KIF13A: variants seen among roughly 807,000 people sequenced by gnomAD.
KIF13A encodes kinesin family member 13A.
In KIF13A, 79 loss-of-function variants were observed where a neutral mutation model predicts 212.2. That is an observed-to-expected ratio of 0.37 (90% CI 0.31 to 0.45). KIF13A has a LOEUF of 0.45. KIF13A is among the 20% of genes least tolerant of loss of function. KIF13A has a pLI of 1.00. For synonymous variants in KIF13A, 789 were observed against 808.6 expected (o/e 0.98, Z 0.41); for missense variants, 1,901 against 2,209.0 (o/e 0.86, Z 2.79).
intron 33 of KIF13A, among the ~76,000 whole-genome samples, chr6:17,778,151 C>A (rs1760169064): frequency 6.6e-6 from 1 of 152,018 alleles, no homozygotes; most frequent in Admixed American, 6.6e-5. Flanking sequence ...AATAAATAAA[C>A]AAATAAATAA....
intron 2 of KIF13A, among the ~76,000 whole-genome samples, chr6:17,975,138 G>C (rs1301023990): frequency 6.6e-6 from 1 of 152,116 alleles, no homozygotes; most frequent in Non-Finnish European, 1.5e-5. Flanking sequence ...GAGGTCAGCA[G>C]TTTAAGGCCA....
intron 19 of KIF13A, among the ~76,000 whole-genome samples, chr6:17,804,837 AAAAAAAAAG>A (rs1762801479): frequency 7.0e-6 from 1 of 143,620 alleles, no homozygotes; most frequent in Non-Finnish European, 1.5e-5. Flanking sequence ...AAAAAAAAAA[AAAAAAAAAG>A]AATTAGCCCA....
intron 4 of KIF13A, among the ~76,000 whole-genome samples, chr6:17,866,688 T>C (rs1239577106): frequency 6.6e-6 from 1 of 151,692 alleles, no homozygotes; most frequent in Non-Finnish European, 1.5e-5. Context: ...TTCACCCCTC[T>C]AAACACAAGT....
downstream of KIF13A, chr6:17,759,167 C>T (rs1758481253): frequency 6.6e-6 from 1 of 152,094 alleles, no homozygotes; most frequent in South Asian, 2.1e-4. Context: ...TTTAACACTG[C>T]AGAGACATGC....
intron 3 of KIF13A, among the ~76,000 whole-genome samples, chr6:17,877,882 T>A (rs758545255): frequency 1.3e-5 from 2 of 152,206 alleles, no homozygotes; most frequent in Non-Finnish European, 2.9e-5. Context: ...AGTCAGTATT[T>A]ACTGAGCATG....
chr6:17,796,707 G>C lies in KIF13A; in HGVS notation c.2904C>G (p.Val968=). 1 of 1,582,100 alleles carries C rather than the reference G, an allele frequency of 6.3e-7. No individual in the cohort carries two copies. The change falls in exon 23 of 39, where the codon GTC becomes GTG. Residue 968 remains valine (V), a synonymous_variant. Coordinates refer to ENST00000259711, the MANE Select transcript of KIF13A (RefSeq NM_022113.6). ...CAGNGSSIWE[V]DSLHAKTRTL... is the part of the protein sequence containing the mutation. Reference sequence around the variant, plus strand: ...TTCTTGTCTTAGCATGAAGAGAATCGACCTCCCAGATGGAGCTGCCATTTC... The same window carrying C: ...TTCTTGTCTTAGCATGAAGAGAATCCACCTCCCAGATGGAGCTGCCATTTC...
At chr6:17,977,470 A>G (rs1191920306) in intron 2 of KIF13A, among the ~76,000 whole-genome samples, 2 of 152,236 alleles carry the variant, frequency 1.3e-5, no homozygotes, top group Non-Finnish European at 2.9e-5. Flanking sequence ...GTAATCTCTA[A>G]GAGAAACAAC....
At chr6:17,913,798 G>GAAATCCAC (rs1161933901) in intron 2 of KIF13A, among the ~76,000 whole-genome samples, 78 of 152,254 alleles carry the variant, frequency 5.1e-4, no homozygotes, top group Admixed American at 6.5e-4. Context: ...GGGATTGATG[G>GAAATCCAC]AGACGCAAAA....
intron 29 of KIF13A, among the ~76,000 whole-genome samples, chr6:17,782,815 AT>A (rs1760720199): frequency 6.6e-6 from 1 of 152,194 alleles, no homozygotes. Flanking sequence ...AAATATGAAG[AT>A]TATCTTCTTC....
Position 17,837,790 on chromosome 6 carries a change from A to G in KIF13A, c.831-207T>C, listed in dbSNP as rs1284054577. ...AACATGGTGAAACTCTGTCTCTACTAAAAATACAAAAAATTAGCTGGGCGT... is the reference window on the plus strand; with the variant it reads ...AACATGGTGAAACTCTGTCTCTACTGAAAATACAAAAAATTAGCTGGGCGT... On this transcript the variant is annotated intron_variant, in intron 9 of 38. Coordinates refer to ENST00000259711, the MANE Select transcript of KIF13A (RefSeq NM_022113.6). This position sits in a 1 kb window ranked among gnomAD's most constrained non-coding sequence, Gnocchi z 5.4. Among the ~76,000 whole-genome samples, 2 of 151,866 alleles carry G rather than the reference A, an allele frequency of 1.3e-5. No homozygotes were observed. Among genetic ancestry groups the G allele is most frequent in the African/African-American group, 2.4e-5 (1 of 41,332 alleles).
At chr6:17,913,736 C>G (rs1435183002) in intron 2 of KIF13A, among the ~76,000 whole-genome samples, 1 of 152,120 alleles carries the variant, frequency 6.6e-6, no homozygotes, top group Non-Finnish European at 1.5e-5. Context: ...GGGGGATTGA[C>G]TAAGTCATTC....
intron 2 of KIF13A, among the ~76,000 whole-genome samples, chr6:17,954,170 G>A (rs893071627): frequency 2.0e-5 from 3 of 151,722 alleles, no homozygotes; most frequent in African/African-American, 7.3e-5. Flanking sequence ...GTGTGGTGGC[G>A]GGCACCTGTA....
chr6:17,767,223 T>TTC (rs778207027), intron 38 of KIF13A, among the ~76,000 whole-genome samples: 3 of 152,162 alleles, frequency 2.0e-5, no homozygotes, highest in Non-Finnish European at 4.4e-5. Context: ...ATTTTCTAGA[T>TTC]TCTCTACTTG....
rs769145059 is a variant in KIF13A, at chr6:17,811,585, A to G, written c.2001-2655T>C. ...CTTTGTAATTCTCACCAGCGTTTAA[A>G]TTTACTTGATTCTCAACCCATCAAC... On this transcript the variant is annotated intron_variant, in intron 17 of 38. Coordinates refer to ENST00000259711, the MANE Select transcript of KIF13A (RefSeq NM_022113.6). This position sits in a 1 kb window ranked among gnomAD's most constrained non-coding sequence, Gnocchi z 6.0. 6.6e-6 allele frequency among the ~76,000 whole-genome samples: 1 copy of G among 152,190 alleles called. No homozygotes were observed. The highest frequency in any genetic ancestry group is 1.5e-5 in the Non-Finnish European group (1 of 68,038).
intron 2 of KIF13A, among the ~76,000 whole-genome samples, chr6:17,920,501 C>T (rs764672336): frequency 2.0e-5 from 3 of 152,186 alleles, no homozygotes; most frequent in Non-Finnish European, 2.9e-5. Context: ...ATTCCAAGGA[C>T]AATGAATATC....
At chr6:17,924,335 C>A (rs940393976) in intron 2 of KIF13A, among the ~76,000 whole-genome samples, 1 of 152,156 alleles carries the variant, frequency 6.6e-6, no homozygotes, top group Non-Finnish European at 1.5e-5. Context: ...TTTTTCTGAA[C>A]AATCTCTAGT....
intron 30 of KIF13A, 114 bp downstream of exon 30, chr6:17,781,063 T>A (rs1251482655): frequency 6.9e-7 from 1 of 1,441,946 alleles, no homozygotes; most frequent in African/African-American, 1.4e-5. Flanking sequence ...ATGTTCTATT[T>A]TTTAAAGTCC....
chr6:17,837,298 C>T lies in KIF13A; in HGVS notation c.942+174G>A, dbSNP rs1360595383. Reference sequence around the variant, plus strand: ...TGAATAAGGCCTGTCAAACAGCATTCAAATGGAATAAAAAGGAGTAGAAAA... The same window carrying T: ...TGAATAAGGCCTGTCAAACAGCATTTAAATGGAATAAAAAGGAGTAGAAAA... On this transcript the variant is annotated intron_variant, in intron 10 of 38. Coordinates refer to ENST00000259711, the MANE Select transcript of KIF13A (RefSeq NM_022113.6). The surrounding 1 kb of genome is among the most constrained non-coding windows in gnomAD (Gnocchi z 5.4). 6.6e-6 allele frequency among the ~76,000 whole-genome samples: 1 copy of T among 152,154 alleles called. No homozygotes were observed. The highest frequency in any genetic ancestry group is 1.9e-4 in the East Asian group (1 of 5,204).
In KIF13A at chr6:17,987,298, G is replaced by C; in HGVS notation, c.55+111C>G. On this transcript the variant is annotated intron_variant, in intron 1 of 38. Transcript: ENST00000259711. The surrounding 1 kb of genome is among the most constrained non-coding windows in gnomAD (Gnocchi z 7.7). ...CACGGCCAGCGCGGACGCCGCCTCC[G>C]CCCCGGCCCCCCGGCCCCGGCCGCG... 5.6e-6 allele frequency: 5 copies of C among 898,606 alleles called. No homozygotes were observed. The highest frequency in any genetic ancestry group is 7.2e-6 in the Non-Finnish European group (5 of 695,334). The allele number at this position is 898,606 out of a possible 1,614,324, so 55.7% of individuals were successfully genotyped here.
Sources: gnomAD v4.1 joint callset for allele counts (sites outside exome capture counted in the v4.1 genomes callset) on GRCh38, gnomAD v4.1.1 for gene constraint, Gnocchi (gnomAD v3.1) non-coding constraint, MANE v1.5 for transcripts, NCBI Gene and HGNC (gene_info 2026-07-23, HGNC 2026-07-21) for gene names.